The following HTR2C variants were observed in gnomAD, a reference collection of about 807,000 sequenced individuals.
HTR2C encodes 5-hydroxytryptamine (serotonin) receptor 2C, G protein-coupled.
A neutral mutation model predicts 21.0 loss-of-function variants in HTR2C; 5 were observed. That is an observed-to-expected ratio of 0.24 (90% CI 0.12 to 0.50). The LOEUF (loss-of-function observed/expected upper bound fraction) is 0.50. Among genes scored for constraint, HTR2C ranks in the 20% least tolerant of loss-of-function variants. The pLI, the probability that HTR2C is intolerant of heterozygous loss-of-function variation, is 0.98. For missense variants in HTR2C, 271 were observed against 371.2 expected (o/e 0.73, Z 2.22); for synonymous variants, 150 against 145.3 (o/e 1.03, Z -0.23).
intron 2 of HTR2C, among the ~76,000 whole-genome samples, chrX:114,628,569 T>C (rs1490179058): frequency 9.1e-6 from 1 of 109,995 alleles, no homozygotes; most frequent in Non-Finnish European, 1.9e-5. Context: ...AATATCCTTA[T>C]ATTAAGGAAC....
At chrX:114,749,453 C>CAAA (rs782652879) in intron 4 of HTR2C, among the ~76,000 whole-genome samples, 21 of 41,892 alleles carry the variant, frequency 5.0e-4, no homozygotes, top group Non-Finnish European at 6.4e-4. Flanking sequence ...GTCCATGTCT[C>CAAA]AAAAAAAAAA....
At chrX:114,797,061 A>G (rs782440627) in intron 4 of HTR2C, among the ~76,000 whole-genome samples, 2 of 111,750 alleles carry the variant, frequency 1.8e-5, no homozygotes, top group Admixed American at 9.6e-5. Flanking sequence ...TTGGCTCCAA[A>G]CATCTGTTTT....
chrX:114,766,183 T>C (rs1194730826), intron 4 of HTR2C, among the ~76,000 whole-genome samples: 1 of 111,627 alleles, frequency 9.0e-6, no homozygotes, highest in Non-Finnish European at 1.9e-5. Flanking sequence ...GATTCTATAA[T>C]TAAGATACCT....
chrX:114,821,217 GAT>G (rs2070629957), intron 4 of HTR2C, among the ~76,000 whole-genome samples: 1 of 94,108 alleles, frequency 1.1e-5, no homozygotes, highest in South Asian at 6.2e-4. Flanking sequence ...AGAGAAAGCA[GAT>G]ATGAGTACGT....
chrX:114,732,306 A>T (rs782129916), intron 4 of HTR2C, among the ~76,000 whole-genome samples: 1 of 111,960 alleles, frequency 8.9e-6, no homozygotes, highest in Non-Finnish European at 1.9e-5. Flanking sequence ...GCTAATATTT[A>T]TGATGAACAA....
intron 2 of HTR2C, among the ~76,000 whole-genome samples, chrX:114,707,964 G>A (rs782427713): frequency 3.6e-5 from 4 of 109,706 alleles, no homozygotes; most frequent in Non-Finnish European, 7.6e-5. Flanking sequence ...TATTATAACC[G>A]TTTTAACTTG....
intron 2 of HTR2C, 42 bp from the exon 3 acceptor site, chrX:114,726,816 G>A (rs1302371096): frequency 2.1e-5 from 10 of 466,648 alleles, no homozygotes; most frequent in Middle Eastern, 3.4e-4. Context: ...AAGTTATTTC[G>A]ATGTTTAACT....
At chrX:114,746,401 G>T (rs1556426091) in intron 4 of HTR2C, among the ~76,000 whole-genome samples, 2 of 111,344 alleles carry the variant, frequency 1.8e-5, no homozygotes, top group African/African-American at 6.5e-5. Context: ...ATATATAAAA[G>T]GGATAATACA....
At chrX:114,593,613 A>T (rs1162375719) in intron 1 of HTR2C, among the ~76,000 whole-genome samples, 2 of 111,329 alleles carry the variant, frequency 1.8e-5, no homozygotes, top group Non-Finnish European at 3.8e-5. Context: ...TTCTCTCAAC[A>T]TATATTTGCT....
At chrX:114,891,687 G>A (rs1305572840) in intron 5 of HTR2C, among the ~76,000 whole-genome samples, 1 of 110,377 alleles carries the variant, frequency 9.1e-6, no homozygotes, top group African/African-American at 3.3e-5. Flanking sequence ...GGAAGAAAGC[G>A]AACCACAGAG....
At chrX:114,849,212 G>C (rs1405036167) in intron 5 of HTR2C, among the ~76,000 whole-genome samples, 1 of 112,106 alleles carries the variant, frequency 8.9e-6, no homozygotes, top group Non-Finnish European at 1.9e-5. Flanking sequence ...AAATTCAAGA[G>C]TTCACAGATT....
At chrX:114,603,855 A>T (rs370176028) in intron 1 of HTR2C, among the ~76,000 whole-genome samples, 11 of 99,806 alleles carry the variant, frequency 1.1e-4, no homozygotes, top group African/African-American at 4.1e-4. Flanking sequence ...TTTGGCACCA[A>T]GGGGTGGATA....
At chrX:114,798,222 C>G (rs2070313395) in intron 4 of HTR2C, among the ~76,000 whole-genome samples, 1 of 110,235 alleles carries the variant, frequency 9.1e-6, no homozygotes, top group African/African-American at 3.3e-5. Flanking sequence ...ATCTGGAAAC[C>G]AAGGCTTAGT....
intron 2 of HTR2C, among the ~76,000 whole-genome samples, chrX:114,621,213 T>A (rs1404543314): frequency 8.9e-6 from 1 of 111,894 alleles, no homozygotes; most frequent in Non-Finnish European, 1.9e-5. Context: ...GCTCCCAGAT[T>A]TCCATGGACT....
At chrX:114,798,210 A>G (rs2070313272) in intron 4 of HTR2C, among the ~76,000 whole-genome samples, 1 of 111,003 alleles carries the variant, frequency 9.0e-6, no homozygotes, top group South Asian at 3.8e-4. Flanking sequence ...TTCATTTTGC[A>G]GATCTGGAAA....
rs1250875677 is a variant in HTR2C, at chrX:114,699,268, C to A, written c.-79-27590C>A. ...GCTCTTTTTTCCAATAACGCTGTAG[C>A]CTAATGAAAAATTGGCACAGCATGA... On this transcript the variant is annotated intron_variant, in intron 2 of 5. Coordinates refer to ENST00000276198, the MANE Select transcript of HTR2C (RefSeq NM_000868.4). Among the ~76,000 whole-genome samples, 3 of 111,749 alleles carry A rather than the reference C, an allele frequency of 2.7e-5. No homozygotes were observed. The Admixed American group carries it at 2.9e-4, about 11-fold the overall frequency.
intron 2 of HTR2C, among the ~76,000 whole-genome samples, chrX:114,684,091 C>G (rs936884402): frequency 1.8e-5 from 2 of 111,092 alleles, no homozygotes; most frequent in African/African-American, 3.3e-5. Flanking sequence ...AAGCGAAGAG[C>G]TTTATATTGA....
chrX:114,812,826 A>G (rs1032446622), intron 4 of HTR2C, among the ~76,000 whole-genome samples: 5 of 111,712 alleles, frequency 4.5e-5, no homozygotes, highest in African/African-American at 1.3e-4. Context: ...AGTAGCTGAT[A>G]GTAATTTTCA....
intron 2 of HTR2C, among the ~76,000 whole-genome samples, chrX:114,705,578 A>C (rs1203632544): frequency 4.8e-4 from 52 of 107,833 alleles, no homozygotes; most frequent in African/African-American, 1.6e-3. Flanking sequence ...TAAAGACTTA[A>C]AGGTTAGACC....
Sources: allele counts gnomAD v4.1 joint callset (sites outside exome capture counted in the v4.1 genomes callset), GRCh38; gene constraint gnomAD v4.1.1; transcripts MANE v1.5; gene names NCBI Gene and HGNC (gene_info 2026-07-23, HGNC 2026-07-21).